The following PTP4A3 variants were observed in gnomAD, a reference collection of about 807,000 sequenced individuals.
PTP4A3 encodes protein tyrosine phosphatase type IVA 3.
PTP4A3 carries 9 observed loss-of-function variants against 15.2 expected under a neutral mutation model. That is an observed-to-expected ratio of 0.59 (90% CI 0.36 to 1.03). PTP4A3 has a LOEUF of 1.03. PTP4A3 is among the 50% of genes least tolerant of loss of function. The pLI, the probability that PTP4A3 is intolerant of heterozygous loss-of-function variation, is 0.02. For missense variants in PTP4A3, 234 were observed against 252.1 expected, an observed-to-expected ratio of 0.93 and a Z score of 0.49; for synonymous variants, 95 against 102.0, an observed-to-expected ratio of 0.93 and a Z score of 0.41.
At chr8:141,401,189 T>G (rs1832581604) in intron 1 of PTP4A3, among the ~76,000 whole-genome samples, 1 of 152,060 alleles carries the variant, frequency 6.6e-6, no homozygotes, top group South Asian at 2.1e-4. Flanking sequence ...GGGAAGCTGG[T>G]GTCTGAGGCT....
chr8:141,400,629 G>A (rs992031101), intron 1 of PTP4A3, among the ~76,000 whole-genome samples: 1 of 152,230 alleles, frequency 6.6e-6, no homozygotes, highest in Non-Finnish European at 1.5e-5. Flanking sequence ...CGGCACCGGG[G>A]TGAGTCTTTC....
At chr8:141,398,853 C>T (rs985063588) in intron 1 of PTP4A3, among the ~76,000 whole-genome samples, 2 of 152,092 alleles carry the variant, frequency 1.3e-5, no homozygotes, top group Admixed American at 1.3e-4. Context: ...CCCCTAGTCC[C>T]TCTGGGGAGC....
rs145232804 is a variant in PTP4A3 at position 141,410,442 on chromosome 8, G to A, written c.-853-10946G>A. On this transcript the variant is annotated intron_variant, in intron 1 of 5. Transcript: ENST00000521578. The stretch of plus-strand genomic sequence containing the variant: ...CCTGCGGGGAAGAAGCCCCATCCAC[G>A]CAGGCTCCCCTGAGGGTTCTGAGGC... Among the ~76,000 whole-genome samples the A allele has an allele frequency of 4.6e-5, 7 of 152,338 alleles. No homozygotes were observed. The East Asian group carries it at 1.2e-3, about 25-fold the overall frequency.
Position 141,425,693 on chromosome 8 carries a change from C to T in PTP4A3, c.198+553C>T, listed in dbSNP as rs115172222. Among the ~76,000 whole-genome samples, 516 of 152,232 alleles carry T rather than the reference C, an allele frequency of 3.4e-3. 1 individual carries two copies. Among genetic ancestry groups the T allele is most frequent in the African/African-American group, 0.012 (490 of 41,534 alleles). ...GGGGGTCCACCCCCGGCCCGGTGGA[C>T]GACTGCCCCCCTGGTGCAGGCCTGC... On this transcript the variant is annotated intron_variant, in intron 3 of 5. Transcript: ENST00000521578. This position sits in a 1 kb window ranked among gnomAD's most constrained non-coding sequence, Gnocchi z 4.2.
intron 4 of PTP4A3, among the ~76,000 whole-genome samples, 190 bp from the exon 5 acceptor site, chr8:141,427,560 T>G (rs914308783): frequency 6.6e-6 from 1 of 152,154 alleles, no homozygotes; most frequent in Admixed American, 6.5e-5. Context: ...AGAGGTTGCC[T>G]AGGAGGGAGC....
chr8:141,401,968 C>T (rs1435639909), intron 1 of PTP4A3, among the ~76,000 whole-genome samples: 2 of 152,228 alleles, frequency 1.3e-5, no homozygotes, highest in East Asian at 1.9e-4. Flanking sequence ...CAGGGGGGCC[C>T]CGTGATGCCA....
intron 2 of PTP4A3, among the ~76,000 whole-genome samples, chr8:141,424,745 G>T (rs12541005): frequency 1.3e-5 from 2 of 151,756 alleles, no homozygotes; most frequent in Admixed American, 6.6e-5. Flanking sequence ...CAGGCTCTTC[G>T]ACAGCCAGAC....
Position 141,425,196 on chromosome 8 carries a change from C to CGGGTGGGGGGGGG in PTP4A3, c.198+59_198+60insTGGGGGGGGGGGG. 2.8e-6 allele frequency: 1 copy of CGGGTGGGGGGGGG among 361,486 alleles called. No homozygotes were observed. Among genetic ancestry groups the CGGGTGGGGGGGGG allele is most frequent in the Non-Finnish European group, 5.4e-6 (1 of 185,990 alleles). The allele number at this position is 361,486 out of a possible 1,614,324, so 22.4% of individuals were successfully genotyped here. Reference sequence around the variant, plus strand: ...CTGCTGCCACCGGGGGAGGGTGGGGCGGGGGGCTCCGGGCCTGCGCAGAGG... The same window carrying CGGGTGGGGGGGGG: ...CTGCTGCCACCGGGGGAGGGTGGGGCGGGTGGGGGGGGGGGGGGGCTCCGGGCCTGCGCAGAGG... On this transcript the variant is annotated intron_variant, in intron 3 of 5. Coordinates refer to ENST00000521578, the MANE Select transcript of PTP4A3 (RefSeq NM_032611.3). The surrounding 1 kb of genome is among the most constrained non-coding windows in gnomAD (Gnocchi z 4.2).
chr8:141,424,348 C>A (rs978855320), intron 2 of PTP4A3, among the ~76,000 whole-genome samples: 3 of 152,172 alleles, frequency 2.0e-5, no homozygotes. Context: ...CTACCACCAC[C>A]TTTTCCCTGG....
chr8:141,427,969 G>A (rs1586570064), intron 5 of PTP4A3, 145 bp downstream of exon 5: 8 of 823,808 alleles, frequency 9.7e-6, no homozygotes, highest in African/African-American at 1.7e-5. Flanking sequence ...CTGCAGAAAC[G>A]GGGAAGCCTG....
chr8:141,427,328 C>T (rs1360667769), intron 4 of PTP4A3, among the ~76,000 whole-genome samples: 7 of 152,170 alleles, frequency 4.6e-5, no homozygotes, highest in Admixed American at 1.3e-4. Context: ...GCTGCCGTCC[C>T]CCTCTCCAGA....
chr8:141,425,191 TGGGGCGG>T lies in PTP4A3; in HGVS notation c.198+57_198+63del. 1 of 287,822 alleles carries T rather than the reference TGGGGCGG, an allele frequency of 3.5e-6. No individual in the cohort carries two copies. The highest frequency in any genetic ancestry group is 6.8e-6 in the Non-Finnish European group (1 of 146,192). 17.8% of individuals were successfully genotyped at this position (287,822 alleles called of 1,614,324 possible). On this transcript the variant is annotated intron_variant, in intron 3 of 5. Transcript: ENST00000521578. This position sits in a 1 kb window ranked among gnomAD's most constrained non-coding sequence, Gnocchi z 4.2. ...AGTCACTGCTGCCACCGGGGGAGGG[TGGGGCGG>T]GGGGCTCCGGGCCTGCGCAGAGGGT... is the stretch of plus-strand genomic sequence containing the variant.
intron 1 of PTP4A3, among the ~76,000 whole-genome samples, chr8:141,395,787 T>C (rs4961380): frequency 0.43 from 61,175 of 142,054 alleles, 16,250 homozygotes; most frequent in African/African-American, 0.76. Flanking sequence ...GGATGTCCCC[T>C]GGCTCCTCTC....
At position 141,431,065 on chromosome 8, in the gene PTP4A3, T is replaced by A. The variant is rs531850277; in HGVS notation, c.*21T>A. 3 of 1,609,428 alleles carry A rather than the reference T, an allele frequency of 1.9e-6. No homozygotes were observed. In the Admixed American group the frequency reaches 5.0e-5, roughly 27 times the overall value. ...TGTAGCTCAGGACCTTGGCTGGGCC[T>A]GGTCGTCATGTAGGTCAGGACCTTG... is the stretch of plus-strand genomic sequence containing the variant. On this transcript the variant is annotated 3_prime_UTR_variant, in exon 6 of 6. Coordinates refer to ENST00000521578, the MANE Select transcript of PTP4A3 (RefSeq NM_032611.3).
chr8:141,430,692 A>T (rs964980067), intron 5 of PTP4A3, among the ~76,000 whole-genome samples: 1 of 151,992 alleles, frequency 6.6e-6, no homozygotes, highest in Non-Finnish European at 1.5e-5. Context: ...GTCAGCCTGG[A>T]GGAGGTGGCG....
chr8:141,396,262 A>G (rs1832448625), intron 1 of PTP4A3, among the ~76,000 whole-genome samples: 1 of 152,210 alleles, frequency 6.6e-6, no homozygotes, highest in Non-Finnish European at 1.5e-5. Context: ...TCTGGCGGGT[A>G]AGTGTTCATA....
chr8:141,398,938 G>A (rs1230715249), intron 1 of PTP4A3, among the ~76,000 whole-genome samples: 1 of 152,034 alleles, frequency 6.6e-6, no homozygotes, highest in East Asian at 1.9e-4. Flanking sequence ...CCAGCTAGAG[G>A]AGGTGACGGG....
At chr8:141,424,555 G>T (rs934758215) in intron 2 of PTP4A3, among the ~76,000 whole-genome samples, 25 of 152,184 alleles carry the variant, frequency 1.6e-4, no homozygotes, top group African/African-American at 5.8e-4. Flanking sequence ...GGGGAGTCCA[G>T]TTCCTGCTGT....
intron 1 of PTP4A3, among the ~76,000 whole-genome samples, chr8:141,399,709 G>A (rs1379139186): frequency 2.0e-5 from 3 of 152,224 alleles, no homozygotes; most frequent in South Asian, 2.1e-4. Flanking sequence ...ATGGATGGAC[G>A]GGGTCCTGGT....
Sources: allele counts gnomAD v4.1 joint callset (sites outside exome capture counted in the v4.1 genomes callset), GRCh38; gene constraint gnomAD v4.1.1; non-coding constraint Gnocchi (gnomAD v3.1); transcripts MANE v1.5; gene names NCBI Gene and HGNC (gene_info 2026-07-23, HGNC 2026-07-21).